SNTG1: variants seen among roughly 807,000 people sequenced by gnomAD.
The protein encoded by SNTG1 is syntrophin gamma 1, also known as gamma-1-syntrophin.
SNTG1 carries 39 observed loss-of-function variants against 74.7 expected under a neutral mutation model. The ratio of observed to expected loss-of-function variants is 0.52; its 90% CI spans 0.40 to 0.68. SNTG1 has a LOEUF of 0.68. Among genes scored for constraint, SNTG1 ranks in the 30% least tolerant of loss-of-function variants. SNTG1 has a pLI of 0.00. For missense variants in SNTG1, 685 were observed against 609.5 expected (o/e 1.12, Z -1.30); for synonymous variants, 254 against 217.1 (o/e 1.17, Z -1.49).
At chr8:50,357,484 C>A (rs1166951393) in intron 2 of SNTG1, among the ~76,000 whole-genome samples, 1 of 152,166 alleles carries the variant, frequency 6.6e-6, no homozygotes, top group Non-Finnish European at 1.5e-5. Flanking sequence ...ATTCTAAAAT[C>A]AATACAAGTG....
At chr8:50,579,208 C>A (rs748393083) in intron 12 of SNTG1, among the ~76,000 whole-genome samples, 11 of 152,128 alleles carry the variant, frequency 7.2e-5, no homozygotes, top group Non-Finnish European at 1.6e-4. Flanking sequence ...AAAGGTCACT[C>A]TTGCTATTCA....
chr8:50,446,145 C>T (rs1432789642), intron 5 of SNTG1, among the ~76,000 whole-genome samples: 1 of 152,096 alleles, frequency 6.6e-6, no homozygotes, highest in Non-Finnish European at 1.5e-5. Context: ...TTAAACAAGC[C>T]ACATGATTTG....
chr8:50,598,380 T>G (rs551490394), intron 13 of SNTG1, among the ~76,000 whole-genome samples: 11 of 152,074 alleles, frequency 7.2e-5, no homozygotes, highest in East Asian at 3.9e-4. Context: ...TTGACACTTT[T>G]GTTGGCTATA....
chr8:50,135,040 G>A (rs1434463909), intron 1 of SNTG1, among the ~76,000 whole-genome samples: 3 of 152,070 alleles, frequency 2.0e-5, no homozygotes, highest in African/African-American at 4.8e-5. Flanking sequence ...ATGTCAACCC[G>A]GTAGTTGGCC....
In SNTG1 at chr8:50,124,373, G is replaced by A. The variant is rs1473845824; in HGVS notation, c.-102-48188G>A. Among the ~76,000 whole-genome samples, 3 of 142,166 alleles carry A rather than the reference G, an allele frequency of 2.1e-5. 1 individual carries two copies. The highest frequency in any genetic ancestry group is 4.7e-5 in the Non-Finnish European group (3 of 63,856). The allele number at this position is 142,166 out of a possible 152,430, so 93.3% of individuals were successfully genotyped here. ...AGTATCTGCTACTGTTTTATGGCAG[G>A]CCTAGCAAACTAAAACACCTTCTTA... On this transcript the variant is annotated intron_variant, in intron 1 of 18. Coordinates refer to ENST00000642720, the MANE Select transcript of SNTG1 (RefSeq NM_018967.5).
chr8:50,151,086 A>G (rs1248435504), intron 1 of SNTG1, among the ~76,000 whole-genome samples: 1 of 152,120 alleles, frequency 6.6e-6, no homozygotes, highest in African/African-American at 2.4e-5. Flanking sequence ...CCTCAATTTC[A>G]GAGCCTGTTA....
intron 2 of SNTG1, among the ~76,000 whole-genome samples, chr8:50,300,993 T>C (rs1020063568): frequency 4.7e-4 from 72 of 152,174 alleles, no homozygotes; most frequent in Admixed American, 1.2e-3. Flanking sequence ...GCTTATAGGA[T>C]GTTTCCTTTG....
At chr8:50,442,021 T>C (rs1262752976) in intron 5 of SNTG1, among the ~76,000 whole-genome samples, 1 of 152,196 alleles carries the variant, frequency 6.6e-6, no homozygotes, top group Non-Finnish European at 1.5e-5. Context: ...AAATGACGTA[T>C]GAGCACAATG....
intron 2 of SNTG1, among the ~76,000 whole-genome samples, chr8:50,196,017 T>A (rs1324576403): frequency 6.6e-6 from 1 of 152,172 alleles, no homozygotes; most frequent in African/African-American, 2.4e-5. Context: ...TCCAAACATA[T>A]GAAAGTGGCT....
At chr8:50,117,851 A>C (rs1400177756) in intron 1 of SNTG1, among the ~76,000 whole-genome samples, 1 of 151,886 alleles carries the variant, frequency 6.6e-6, no homozygotes, top group Non-Finnish European at 1.5e-5. Flanking sequence ...ATTAGGTCTG[A>C]AGTTAGGTTA....
intron 2 of SNTG1, among the ~76,000 whole-genome samples, chr8:50,245,012 C>T (rs977980717): frequency 6.6e-6 from 1 of 151,932 alleles, no homozygotes; most frequent in African/African-American, 2.4e-5. Flanking sequence ...TTTCCATTAT[C>T]ATTCTTGCAA....
At chr8:50,708,641 A>C (rs2095452342) in intron 16 of SNTG1, 1 of 479,748 alleles carries the variant, frequency 2.1e-6, no homozygotes, top group Non-Finnish European at 3.7e-6. Flanking sequence ...TACAGACAAA[A>C]CTAGAGGGAG....
At chr8:50,648,872 G>A (rs376861311) in intron 13 of SNTG1, among the ~76,000 whole-genome samples, 8 of 151,938 alleles carry the variant, frequency 5.3e-5, no homozygotes, top group Non-Finnish European at 1.0e-4. Flanking sequence ...ATCCTGAAAG[G>A]CTTGATAATA....
intron 13 of SNTG1, among the ~76,000 whole-genome samples, chr8:50,655,000 T>C (rs907335799): frequency 6.6e-6 from 1 of 152,196 alleles, no homozygotes; most frequent in East Asian, 1.9e-4. Flanking sequence ...GACATTTCCG[T>C]GTAGAAAGCA....
At chr8:50,398,399 C>G (rs1587471777) in intron 3 of SNTG1, among the ~76,000 whole-genome samples, 1 of 152,184 alleles carries the variant, frequency 6.6e-6, no homozygotes, top group East Asian at 1.9e-4. Flanking sequence ...CATTTTCTTG[C>G]ATCATCACGT....
intron 15 of SNTG1, among the ~76,000 whole-genome samples, chr8:50,687,150 A>AAC (rs2131418197): frequency 6.8e-6 from 1 of 147,512 alleles, no homozygotes; most frequent in South Asian, 2.2e-4. Flanking sequence ...TCAAAAAAAA[A>AAC]AAATAAAATA....
intron 9 of SNTG1, among the ~76,000 whole-genome samples, chr8:50,509,844 C>A (rs186992522): frequency 6.6e-6 from 1 of 152,142 alleles, no homozygotes; most frequent in Non-Finnish European, 1.5e-5. Context: ...TCTAAATATA[C>A]AATCATGTCA....
At position 50,327,033 on chromosome 8, in the gene SNTG1, G is replaced by C. The variant is rs144987336; in HGVS notation, c.-27-67179G>C. On this transcript the variant is annotated intron_variant, in intron 2 of 18. Transcript: ENST00000642720. Reference sequence around the variant, plus strand: ...CTTTCTGTTATTGATTTCTAGTTTAGTTCCATTGTAGTGTGAGAGCATATA... The same window carrying C: ...CTTTCTGTTATTGATTTCTAGTTTACTTCCATTGTAGTGTGAGAGCATATA... 5.6e-3 allele frequency among the ~76,000 whole-genome samples: 850 copies of C among 152,018 alleles called. 10 individuals carry two copies. Among genetic ancestry groups the C allele is most frequent in the African/African-American group, 0.018 (759 of 41,494 alleles).
chr8:50,036,221 C>CA (rs1818149804), intron 1 of SNTG1, among the ~76,000 whole-genome samples: 2 of 152,034 alleles, frequency 1.3e-5, no homozygotes, highest in African/African-American at 2.4e-5. Flanking sequence ...TAAACACACA[C>CA]AAAAAAAGCT....
Sources: gnomAD v4.1 joint callset for allele counts (sites outside exome capture counted in the v4.1 genomes callset) on GRCh38, gnomAD v4.1.1 for gene constraint, MANE v1.5 for transcripts, NCBI Gene and HGNC (gene_info 2026-07-23, HGNC 2026-07-21) for gene names.